The following RORA variants were observed in gnomAD, a reference collection of about 807,000 sequenced individuals.
RORA encodes the protein nuclear receptor ROR-alpha.
A neutral mutation model predicts 69.5 loss-of-function variants in RORA; 7 were observed. The ratio of observed to expected loss-of-function variants is 0.10; its 90% CI spans 0.06 to 0.19. The LOEUF (loss-of-function observed/expected upper bound fraction) is 0.19. Ranked by LOEUF, RORA falls within the 10% of genes least tolerant of loss-of-function variation. The pLI is 1.00. For synonymous variants in RORA, 261 were observed against 240.8 expected (o/e 1.08, Z -0.78); for missense variants, 457 against 663.0 (o/e 0.69, Z 3.41).
At chr15:61,102,733 A>G (rs1342892596) in intron 1 of RORA, among the ~76,000 whole-genome samples, 3 of 152,210 alleles carry the variant, frequency 2.0e-5, no homozygotes, top group Non-Finnish European at 4.4e-5. Flanking sequence ...CCTACACTGA[A>G]GCATGCACCT....
intron 1 of RORA, among the ~76,000 whole-genome samples, chr15:60,843,313 T>C (rs1034809729): frequency 4.6e-5 from 7 of 152,038 alleles, no homozygotes; most frequent in Admixed American, 6.5e-5. Context: ...TCAGACACGG[T>C]AGAAGGGAGA....
At chr15:61,074,483 C>T (rs370377263) in intron 1 of RORA, among the ~76,000 whole-genome samples, 1 of 152,182 alleles carries the variant, frequency 6.6e-6, no homozygotes, top group Non-Finnish European at 1.5e-5. Flanking sequence ...AGAAAGAAAC[C>T]ATTTCTTCTT....
chr15:61,091,153 C>T (rs1388538784), intron 1 of RORA, among the ~76,000 whole-genome samples: 3 of 152,146 alleles, frequency 2.0e-5, no homozygotes, highest in East Asian at 1.9e-4. Context: ...ATGCCAAATA[C>T]GCACTCTTTA....
At chr15:60,597,609 TATATATATACATACATATATATACATA>T (rs2068720796) in intron 2 of RORA, among the ~76,000 whole-genome samples, 1 of 45,154 alleles carries the variant, frequency 2.2e-5, no homozygotes, top group Admixed American at 2.3e-4. Flanking sequence ...TATATATATA[TATATATATACATACATATATATACATA>T]TATATATATA....
At chr15:60,863,051 T>A (rs1486957903) in intron 1 of RORA, among the ~76,000 whole-genome samples, 1 of 152,240 alleles carries the variant, frequency 6.6e-6, no homozygotes, top group Non-Finnish European at 1.5e-5. Flanking sequence ...ATGGGCTGTC[T>A]TCCCCTTATC....
intron 3 of RORA, among the ~76,000 whole-genome samples, chr15:60,515,270 C>T (rs1039188717): frequency 1.3e-5 from 2 of 152,188 alleles, no homozygotes; most frequent in Non-Finnish European, 2.9e-5. Flanking sequence ...TTCTCACTCC[C>T]CAAGTCTGAA....
chr15:61,054,993 C>A (rs778237482), intron 1 of RORA, among the ~76,000 whole-genome samples: 1 of 151,916 alleles, frequency 6.6e-6, no homozygotes, highest in African/African-American at 2.4e-5. Context: ...CACACCACCA[C>A]GTCTGGCTAA....
intron 1 of RORA, among the ~76,000 whole-genome samples, chr15:60,745,173 C>T (rs1451538642): frequency 1.3e-5 from 2 of 152,200 alleles, no homozygotes; most frequent in African/African-American, 4.8e-5. Context: ...CCGAATGAGA[C>T]AGCAGGGAGT....
intron 1 of RORA, among the ~76,000 whole-genome samples, chr15:60,840,286 G>A (rs2073178721): frequency 6.6e-6 from 1 of 152,234 alleles, no homozygotes; most frequent in South Asian, 2.1e-4. Flanking sequence ...TCTGGTGCCT[G>A]GTCCTCTCAG....
intron 2 of RORA, among the ~76,000 whole-genome samples, chr15:60,605,475 A>G (rs2068923625): frequency 6.6e-6 from 1 of 152,242 alleles, no homozygotes; most frequent in African/African-American, 2.4e-5. Flanking sequence ...AACTAAGGCT[A>G]ACAACATAAT....
chr15:60,783,518 G>T (rs1677236119), intron 1 of RORA, among the ~76,000 whole-genome samples: 1 of 152,102 alleles, frequency 6.6e-6, no homozygotes, highest in Admixed American at 6.5e-5. Flanking sequence ...AAACACAAAG[G>T]GGCTTTTATT....
At chr15:61,069,659 C>T (rs2078312934) in intron 1 of RORA, among the ~76,000 whole-genome samples, 1 of 151,728 alleles carries the variant, frequency 6.6e-6, no homozygotes, top group Non-Finnish European at 1.5e-5. Context: ...TGAAAAAGTC[C>T]CCAAGCAAAA....
At chr15:60,550,285 G>A (rs990891671) in intron 2 of RORA, among the ~76,000 whole-genome samples, 3 of 151,172 alleles carry the variant, frequency 2.0e-5, no homozygotes, top group Admixed American at 6.6e-5. Context: ...GTGAGACTCC[G>A]TCTCAAAAAC....
intron 1 of RORA, among the ~76,000 whole-genome samples, chr15:61,198,270 A>G (rs918248876): frequency 1.3e-5 from 2 of 152,188 alleles, no homozygotes; most frequent in Non-Finnish European, 2.9e-5. Context: ...CTTTTAAAAG[A>G]GTGGGTCTGG....
chr15:61,070,936 G>A (rs921557974), intron 1 of RORA, among the ~76,000 whole-genome samples: 1 of 151,912 alleles, frequency 6.6e-6, no homozygotes, highest in Non-Finnish European at 1.5e-5. Flanking sequence ...TGGACTTTAA[G>A]AACATAAGCG....
At chr15:60,986,047 C>G (rs1894192671) in intron 1 of RORA, among the ~76,000 whole-genome samples, 1 of 152,176 alleles carries the variant, frequency 6.6e-6, no homozygotes, top group Non-Finnish European at 1.5e-5. Context: ...CTAAGACTTC[C>G]TGGTGGTCCC....
At chr15:61,033,391 AT>A (rs1382678797) in intron 1 of RORA, among the ~76,000 whole-genome samples, 8 of 116,286 alleles carry the variant, frequency 6.9e-5, no homozygotes, top group African/African-American at 2.3e-4. Flanking sequence ...AGAGCCCCAA[AT>A]TTATAGCTTT....
intron 2 of RORA, among the ~76,000 whole-genome samples, chr15:60,607,059 AAC>A (rs1465428547): frequency 6.6e-6 from 1 of 152,226 alleles, no homozygotes; most frequent in Non-Finnish European, 1.5e-5. Flanking sequence ...TTGGAAGCAC[AAC>A]AGAGACTTGT....
intron 1 of RORA, among the ~76,000 whole-genome samples, chr15:60,842,169 C>T (rs921829067): frequency 3.9e-5 from 6 of 152,196 alleles, no homozygotes; most frequent in South Asian, 2.1e-4. Flanking sequence ...ACCCCAGGGC[C>T]GTCGTCCACT....
Sources: allele counts gnomAD v4.1 joint callset (sites outside exome capture counted in the v4.1 genomes callset), GRCh38; gene constraint gnomAD v4.1.1; transcripts MANE v1.5; gene names NCBI Gene and HGNC (gene_info 2026-07-23, HGNC 2026-07-21).